Variants in PTPRR observed in about 807,000 individuals in gnomAD.
The protein encoded by PTPRR is protein tyrosine phosphatase receptor type R.
A neutral mutation model predicts 77.2 loss-of-function variants in PTPRR; 38 were observed. The ratio of observed to expected loss-of-function variants is 0.49; its 90% CI spans 0.38 to 0.65. The LOEUF (loss-of-function observed/expected upper bound fraction) is 0.65. Ranked by LOEUF, PTPRR falls within the 30% of genes least tolerant of loss-of-function variation. PTPRR has a pLI of 0.00. For missense variants in PTPRR, 744 were observed against 799.2 expected (o/e 0.93, Z 0.83); for synonymous variants, 299 against 283.1 (o/e 1.06, Z -0.57).
At chr12:70,746,315 T>G (rs1890214091) in intron 5 of PTPRR, among the ~76,000 whole-genome samples, 1 of 152,192 alleles carries the variant, frequency 6.6e-6, no homozygotes, top group Non-Finnish European at 1.5e-5. Context: ...ATTGTGCACA[T>G]GAATCTGTTC....
chr12:70,875,807 A>G (rs963628803), intron 2 of PTPRR, among the ~76,000 whole-genome samples: 1 of 152,236 alleles, frequency 6.6e-6, no homozygotes, highest in African/African-American at 2.4e-5. Flanking sequence ...GTTCCAATAA[A>G]CAAAGAGCAG....
intron 2 of PTPRR, among the ~76,000 whole-genome samples, chr12:70,869,983 C>T (rs1168725503): frequency 6.6e-6 from 1 of 152,172 alleles, no homozygotes; most frequent in Non-Finnish European, 1.5e-5. Flanking sequence ...AAGAGTTGGA[C>T]AACCTCTTCT....
intron 1 of PTPRR, among the ~76,000 whole-genome samples, chr12:70,907,938 A>G (rs1331021297): frequency 6.6e-6 from 1 of 152,216 alleles, no homozygotes; most frequent in Non-Finnish European, 1.5e-5. Context: ...AGACTGCAGA[A>G]ATCACAGGAG....
chr12:70,662,653 G>C, intron 10 of PTPRR, 48 bp from the exon 11 acceptor site: 1 of 1,096,750 alleles, frequency 9.1e-7, no homozygotes, highest in South Asian at 1.4e-5. Context: ...GCTTTTATTA[G>C]CCATGGAGTA....
rs116461548 is a variant in PTPRR, at chr12:70,755,639, T to C, written c.628-1338A>G. ...AAAACAGCGATGTGCTCACTAATTA[T>C]AGTAGAATAGTATCTGGCCTACTTT... On this transcript the variant is annotated intron_variant, in intron 4 of 13. Coordinates refer to ENST00000283228, the MANE Select transcript of PTPRR (RefSeq NM_002849.4). Among the ~76,000 whole-genome samples, 1,113 of 152,270 alleles carry C rather than the reference T, an allele frequency of 7.3e-3. 12 individuals are homozygous for C. Among genetic ancestry groups the C allele is most frequent in the African/African-American group, 0.025 (1,042 of 41,566 alleles).
chr12:70,751,508 C>T (rs1384407155), intron 5 of PTPRR, among the ~76,000 whole-genome samples: 4 of 152,130 alleles, frequency 2.6e-5, no homozygotes, highest in South Asian at 2.1e-4. Context: ...AAACATTCTT[C>T]CCCTAGAGCC....
At position 70,670,014 on chromosome 12, in the gene PTPRR, A is replaced by T. The variant is rs1001359082; in HGVS notation, c.1498-7409T>A. ...AATTTTAGCAGATAGAAAAGGGAAGAGAATGAAAGAAGGAAAAAGTTAATA... is the reference window on the plus strand; with the variant it reads ...AATTTTAGCAGATAGAAAAGGGAAGTGAATGAAAGAAGGAAAAAGTTAATA... On this transcript the variant is annotated intron_variant, in intron 10 of 13. Transcript: ENST00000283228. Among the ~76,000 whole-genome samples, 3 of 152,234 alleles carry T rather than the reference A, an allele frequency of 2.0e-5. No individual in the cohort carries two copies. In the East Asian group the frequency reaches 5.8e-4, roughly 29 times the overall value.
chr12:70,918,377 A>T (rs561440136), intron 1 of PTPRR, among the ~76,000 whole-genome samples: 42 of 152,346 alleles, frequency 2.8e-4, no homozygotes, highest in Non-Finnish European at 3.8e-4. Flanking sequence ...GAAATATAAA[A>T]ATGTCCTTAA....
intron 2 of PTPRR, among the ~76,000 whole-genome samples, chr12:70,885,136 A>T (rs17108985): frequency 0.12 from 17,933 of 152,096 alleles, 1,945 homozygotes; most frequent in African/African-American, 0.29. Context: ...TGAAGAATTT[A>T]TAAAGAAAGT....
At chr12:70,746,974 G>A (rs1404847016) in intron 5 of PTPRR, among the ~76,000 whole-genome samples, 1 of 152,058 alleles carries the variant, frequency 6.6e-6, no homozygotes, top group Non-Finnish European at 1.5e-5. Flanking sequence ...TTGAAAAAAG[G>A]GTGGATTTGG....
At chr12:70,862,660 C>G (rs2137080446) in intron 2 of PTPRR, among the ~76,000 whole-genome samples, 1 of 151,500 alleles carries the variant, frequency 6.6e-6, no homozygotes, top group Non-Finnish European at 1.5e-5. Flanking sequence ...TTAATGGGTG[C>G]AGCACACCAG....
intron 2 of PTPRR, among the ~76,000 whole-genome samples, chr12:70,856,980 A>T (rs933993681): frequency 1.3e-5 from 2 of 152,112 alleles, no homozygotes; most frequent in African/African-American, 4.8e-5. Flanking sequence ...GTGTGATTTG[A>T]TTTTTAAATG....
intron 2 of PTPRR, among the ~76,000 whole-genome samples, chr12:70,791,766 T>C (rs1339075299): frequency 6.6e-6 from 1 of 152,220 alleles, no homozygotes; most frequent in East Asian, 1.9e-4. Flanking sequence ...GTAATGGTTT[T>C]TTAAGATACA....
intron 2 of PTPRR, among the ~76,000 whole-genome samples, chr12:70,863,778 T>C (rs1202754015): frequency 3.9e-5 from 6 of 152,178 alleles, no homozygotes; most frequent in Non-Finnish European, 8.8e-5. Flanking sequence ...ACTCACATCT[T>C]AGAAAATGTC....
chr12:70,892,290 A>C (rs760126500), intron 2 of PTPRR, among the ~76,000 whole-genome samples: 1 of 152,056 alleles, frequency 6.6e-6, no homozygotes, highest in African/African-American at 2.4e-5. Flanking sequence ...ATCTTCAATA[A>C]GTATTATTTA....
chr12:70,700,477 A>AC (rs2136780941), intron 7 of PTPRR, among the ~76,000 whole-genome samples: 1 of 152,308 alleles, frequency 6.6e-6, no homozygotes, highest in African/African-American at 2.4e-5. Context: ...GTTAAAGGGC[A>AC]CCATATGCAC....
At chr12:70,741,337 G>A (rs935808090) in intron 6 of PTPRR, among the ~76,000 whole-genome samples, 1 of 152,164 alleles carries the variant, frequency 6.6e-6, no homozygotes, top group Non-Finnish European at 1.5e-5. Flanking sequence ...ATGCACACTG[G>A]GTTATGGAAC....
At chr12:70,884,541 C>T (rs1373442606) in intron 2 of PTPRR, among the ~76,000 whole-genome samples, 1 of 151,986 alleles carries the variant, frequency 6.6e-6, no homozygotes, top group Non-Finnish European at 1.5e-5. Flanking sequence ...TCTGCAGATC[C>T]CCCTTTTTGA....
At chr12:70,702,691 T>C (rs6581957) in intron 6 of PTPRR, among the ~76,000 whole-genome samples, 65,316 of 152,082 alleles carry the variant, frequency 0.43, 16,630 homozygotes, top group East Asian at 0.56. Flanking sequence ...ATATGTAATG[T>C]CATTTTTGTT....
Sources: gnomAD v4.1 joint callset for allele counts (sites outside exome capture counted in the v4.1 genomes callset) on GRCh38, gnomAD v4.1.1 for gene constraint, MANE v1.5 for transcripts, NCBI Gene and HGNC (gene_info 2026-07-23, HGNC 2026-07-21) for gene names.